Variants in FAM161B observed in about 807,000 individuals in gnomAD.
The protein encoded by FAM161B is FAM161 centrosomal protein B.
In FAM161B, 46 loss-of-function variants were observed where a neutral mutation model predicts 61.5. That is an observed-to-expected ratio of 0.75 (90% CI 0.59 to 0.96). The LOEUF (loss-of-function observed/expected upper bound fraction) is 0.96. Among genes scored for constraint, FAM161B ranks in the 40% least tolerant of loss-of-function variants. The probability of loss-of-function intolerance (pLI) is 0.00; values close to 1 mark genes in which losing one functional copy is unlikely to be tolerated. For missense variants in FAM161B, 774 were observed against 800.7 expected, an observed-to-expected ratio of 0.97 and a Z score of 0.40; for synonymous variants, 284 against 302.7, an observed-to-expected ratio of 0.94 and a Z score of 0.64.
At chr14:73,929,212 T>C (rs536119579), downstream of FAM161B, among the ~76,000 whole-genome samples, 1 of 152,212 alleles carries the variant, frequency 6.6e-6, no homozygotes, top group Non-Finnish European at 1.5e-5. Context: ...TTCCACTGCT[T>C]ATCCCCTCCT....
chr14:73,943,819 CCATGGCACAGTGCCTGGAG>C (rs148637004), intron 3 of FAM161B, among the ~76,000 whole-genome samples: 1 of 152,170 alleles, frequency 6.6e-6, no homozygotes, highest in Non-Finnish European at 1.5e-5. Flanking sequence ...TGTGTGTTCA[CCATGGCACAGTGCCTGGAG>C]CATGGCACAT....
intron 7 of FAM161B, among the ~76,000 whole-genome samples, chr14:73,936,371 A>G (rs534809619): frequency 2.0e-3 from 303 of 152,326 alleles, no homozygotes; most frequent in Non-Finnish European, 2.4e-3. Flanking sequence ...TTGATTTGGG[A>G]GTCACAATTT....
In FAM161B at chr14:73,932,453, C is replaced by T. The variant is rs1461711395; in HGVS notation, c.*1803G>A. On this transcript the variant is annotated 3_prime_UTR_variant, in exon 9 of 9. Coordinates refer to ENST00000286544, the MANE Select transcript of FAM161B (RefSeq NM_152445.3). Reference sequence around the variant, plus strand: ...ATTTCTTAAGCCCAGGTGATAGTTACTCTGTCACCACCAAAAAAGACGCAT... The same window carrying T: ...ATTTCTTAAGCCCAGGTGATAGTTATTCTGTCACCACCAAAAAAGACGCAT... 2.2e-6 allele frequency: 1 copy of T among 455,198 alleles called. No homozygotes were observed. Among genetic ancestry groups the T allele is most frequent in the Non-Finnish European group, 4.4e-6 (1 of 226,620 alleles). 28.2% of individuals were successfully genotyped at this position (455,198 alleles called of 1,614,324 possible).
chr14:73,923,301 A>C, the FAM161B span: 6 of 1,359,088 alleles, frequency 4.4e-6, no homozygotes, highest in Non-Finnish European at 5.9e-6. Flanking sequence ...ATAGAGGAAT[A>C]GAGTTTTAGA....
chr14:73,946,573 C>T lies in FAM161B; in HGVS notation c.87G>A (p.Glu29=), dbSNP rs748163052. 31 of 1,613,868 alleles carry T rather than the reference C, an allele frequency of 1.9e-5. No homozygotes were observed. The African/African-American group carries it at 3.6e-4, about 19-fold the overall frequency. The change falls in exon 2 of 9, where the codon GAG becomes GAA. Residue 29 remains glutamate, a synonymous_variant. Transcript: ENST00000286544. ...CATCCCCGGACAGCTCCTCTCCTGC[C>T]TCTGTGTCTGCGAAGGACTCGGGGG... ...IFPPESFADT[E]AGEELSGDGL...
intron 5 of FAM161B, among the ~76,000 whole-genome samples, chr14:73,939,568 C>T (rs1381613020): frequency 6.6e-6 from 1 of 152,170 alleles, no homozygotes; most frequent in Non-Finnish European, 1.5e-5. Context: ...TGGACCAGGA[C>T]CTCTGACTCC....
chr14:73,932,206 G>GT (rs931208466), downstream of FAM161B: 6 of 334,456 alleles, frequency 1.8e-5, no homozygotes, highest in African/African-American at 1.1e-4. Flanking sequence ...TCATGTTTTT[G>GT]TTTTTTTAAA....
downstream of FAM161B, chr14:73,931,619 A>C (rs1429197332): frequency 1.2e-5 from 16 of 1,326,436 alleles, no homozygotes; most frequent in East Asian, 3.5e-4. Context: ...GCCTTAGCCC[A>C]CAACAGAACC....
At chr14:73,938,753 CAGTG>C (rs1354759097) in intron 5 of FAM161B, among the ~76,000 whole-genome samples, 1 of 151,994 alleles carries the variant, frequency 6.6e-6, no homozygotes, top group African/African-American at 2.4e-5. Flanking sequence ...GCCTGGGCGA[CAGTG>C]AGAGACTCCG....
the FAM161B span, chr14:73,924,912 C>T: frequency 3.8e-4 from 114 of 303,422 alleles, 1 homozygote; most frequent in Middle Eastern, 1.3e-3. Context: ...CTCTTGACCT[C>T]GTGATCTGCC....
intron 6 of FAM161B, 66 bp downstream of exon 6, chr14:73,937,882 G>T: frequency 6.3e-7 from 1 of 1,594,744 alleles, no homozygotes; most frequent in Non-Finnish European, 8.5e-7. Flanking sequence ...GCATTTTCTG[G>T]CAATAGGCCA....
chr14:73,928,632 G>A (rs1268403577), downstream of FAM161B, among the ~76,000 whole-genome samples: 1 of 152,124 alleles, frequency 6.6e-6, no homozygotes, highest in African/African-American at 2.4e-5. Context: ...CAGGGAGACA[G>A]CATAACACAG....
chr14:73,936,128 A>G (rs1275004558), intron 7 of FAM161B, 40 bp from the exon 8 acceptor site: 1 of 1,551,742 alleles, frequency 6.4e-7, no homozygotes, highest in African/African-American at 1.4e-5. Context: ...TGTCTTATGA[A>G]TTACCAGACA....
chr14:73,931,122 TCTC>T (rs1227664801), downstream of FAM161B, among the ~76,000 whole-genome samples: 17 of 152,140 alleles, frequency 1.1e-4, no homozygotes, highest in Non-Finnish European at 2.2e-4. Context: ...CCTATTTCCT[TCTC>T]CTACTTGAGC....
chr14:73,929,443 C>T (rs2055879246), downstream of FAM161B, among the ~76,000 whole-genome samples: 1 of 152,146 alleles, frequency 6.6e-6, no homozygotes, highest in South Asian at 2.1e-4. Context: ...TTTTGGAGAT[C>T]ACCAAGCAGT....
the FAM161B span, among the ~76,000 whole-genome samples, chr14:73,923,887 A>G: frequency 6.6e-6 from 1 of 152,226 alleles, no homozygotes; most frequent in African/African-American, 2.4e-5. Flanking sequence ...TTCAGAGAAG[A>G]GGGCCTGGCC....
chr14:73,943,808 C>G (rs2056039652), intron 3 of FAM161B, among the ~76,000 whole-genome samples: 1 of 152,240 alleles, frequency 6.6e-6, no homozygotes, highest in South Asian at 2.1e-4. Context: ...AACTCCATGT[C>G]TGTGTGTTCA....
chr14:73,926,803 A>G (rs1242076357), downstream of FAM161B, among the ~76,000 whole-genome samples: 1 of 152,136 alleles, frequency 6.6e-6, no homozygotes, highest in Non-Finnish European at 1.5e-5. Flanking sequence ...TCCTTTTGTT[A>G]ATATTAATTT....
downstream of FAM161B, among the ~76,000 whole-genome samples, chr14:73,930,669 C>A (rs1163010331): frequency 6.6e-6 from 1 of 151,534 alleles, no homozygotes; most frequent in African/African-American, 2.4e-5. Context: ...GTGGCATGAT[C>A]ATAGCTCACT....
Sources: gnomAD v4.1 joint callset for allele counts (sites outside exome capture counted in the v4.1 genomes callset) on GRCh38, gnomAD v4.1.1 for gene constraint, MANE v1.5 for transcripts, NCBI Gene and HGNC (gene_info 2026-07-23, HGNC 2026-07-21) for gene names.